The following SERPINA4 variants were observed in gnomAD, a reference collection of about 807,000 sequenced individuals.
SERPINA4 encodes the protein serpin family A member 4.
Under a neutral mutation model 25.4 loss-of-function variants are expected in SERPINA4, and 24 were observed. The observed-to-expected ratio is 0.95, with a 90% CI of 0.69 to 1.33. The LOEUF (loss-of-function observed/expected upper bound fraction) is 1.33. Among genes scored for constraint, SERPINA4 ranks in the 40% most tolerant of loss-of-function variants. The probability of loss-of-function intolerance (pLI) is 0.00; values close to 1 mark genes in which losing one functional copy is unlikely to be tolerated. For synonymous variants in SERPINA4, 242 were observed against 223.6 expected (o/e 1.08, Z -0.73); for missense variants, 553 against 535.8 (o/e 1.03, Z -0.32).
intron 2 of SERPINA4, among the ~76,000 whole-genome samples, chr14:94,566,682 A>T (rs979905574): frequency 6.6e-6 from 1 of 152,126 alleles, no homozygotes; most frequent in Non-Finnish European, 1.5e-5. Flanking sequence ...CTAACAATGA[A>T]ACTCTCTTTC....
In SERPINA4 at chr14:94,567,172, C is replaced by CA. The variant is rs1902245403; in HGVS notation, c.856dup (p.Met286AsnfsTer5). 6.2e-7 allele frequency: 1 copy of CA among 1,613,994 alleles called. No individual in the cohort carries two copies. The highest frequency in any genetic ancestry group is 8.5e-7 in the Non-Finnish European group (1 of 1,180,028). ...TGTTTTTCATTCTCCCTAACCAAGG[C>CA]AAAATGAGGGAGATTGAAGAGGTTC... is the stretch of plus-strand genomic sequence containing the variant. On this transcript the variant is annotated frameshift_variant, in exon 3 of 5. Transcript: ENST00000557004. LOFTEE classifies it high-confidence loss of function.
chr14:94,566,447 A>G (rs1357277583), intron 2 of SERPINA4, among the ~76,000 whole-genome samples: 2 of 152,160 alleles, frequency 1.3e-5, no homozygotes, highest in Admixed American at 1.3e-4. Context: ...CTCACTTTTC[A>G]TTGAGAAAAC....
At chr14:94,568,995 A>C (rs894729387) in intron 4 of SERPINA4, among the ~76,000 whole-genome samples, 1 of 152,188 alleles carries the variant, frequency 6.6e-6, no homozygotes, top group Non-Finnish European at 1.5e-5. Flanking sequence ...TGATAAGAAA[A>C]GTGCACGAGG....
chr14:94,566,859 G>A, intron 2 of SERPINA4, 111 bp from the exon 3 acceptor site: 1 of 1,293,078 alleles, frequency 7.7e-7, no homozygotes. Context: ...CATAGGGCAG[G>A]ATCTGGAGCG....
In SERPINA4 at chr14:94,564,004, C is replaced by T; in HGVS notation, c.522C>T (p.Asp174=). Residue 174 remains aspartate (D), a synonymous_variant, in exon 2 of 5, where the codon GAC becomes GAT. Coordinates refer to ENST00000557004, the MANE Select transcript of SERPINA4 (RefSeq NM_006215.4). ...EAKLFHTNFY[D]TVGTIQLIND... ...AACTCTTCCACACCAACTTCTACGA[C>T]ACTGTGGGCACAATCCAGCTTATCA... is the stretch of plus-strand genomic sequence containing the variant. 6.2e-7 allele frequency: 1 copy of T among 1,613,972 alleles called. No individual in the cohort carries two copies. Among genetic ancestry groups the T allele is most frequent in the East Asian group, 2.2e-5 (1 of 44,880 alleles).
In SERPINA4 at chr14:94,569,437, G is replaced by A. The variant is rs528098990; in HGVS notation, c.1126G>A (p.Glu376Lys). The A allele has an allele frequency of 2.0e-5, 32 of 1,614,116 alleles. No homozygotes were observed. In the African/African-American group the frequency reaches 2.1e-4, roughly 11 times the overall value. ...ATLDVDEAGT[E>K]AAAATSFAIK... ...CTTGGACGTGGATGAGGCTGGCACC[G>A]AGGCTGCAGCAGCCACCAGCTTCGC... The change falls in exon 5 of 5, where the codon GAG (glutamate) becomes AAG (lysine). Residue 376 changes from glutamate (E) to lysine (K), a missense_variant. Physicochemically the swap from Glu to Lys is moderately conservative, Grantham distance 56 (BLOSUM62 1). Transcript: ENST00000557004.
At chr14:94,567,359 C>T in intron 3 of SERPINA4, 116 bp downstream of exon 3, 1 of 1,165,196 alleles carries the variant, frequency 8.6e-7, no homozygotes, top group Non-Finnish European at 1.2e-6. Flanking sequence ...AGAATTCTCA[C>T]TTGCTCTGAG....
rs771729669 is a variant in SERPINA4, at chr14:94,563,869, C to T, written c.387C>T (p.Asn129=). Residue 129 remains asparagine (N), a synonymous_variant, in exon 2 of 5, where the codon AAC becomes AAT. Transcript: ENST00000557004. ...TCCAGCACCTCCTGCACACTCTCAA[C>T]CTCCCCGGCCATGGGCTGGAAACAC... ...RGFQHLLHTL[N]LPGHGLETRV... 2 of 1,614,072 alleles carry T rather than the reference C, an allele frequency of 1.2e-6. No homozygotes were observed. Among genetic ancestry groups the T allele is most frequent in the Non-Finnish European group, 1.7e-6 (2 of 1,180,052 alleles).
intron 1 of SERPINA4, chr14:94,561,912 G>C (rs1365256588): frequency 7.8e-7 from 1 of 1,275,072 alleles, no homozygotes; most frequent in African/African-American, 1.5e-5. Flanking sequence ...GGAGAACAGA[G>C]AGCAGAAAGA....
In SERPINA4 at chr14:94,567,148, G is replaced by A; in HGVS notation, c.828G>A (p.Val276=). ...LRMDYKGDAT[V]FFILPNQGKM... ...TGGATTACAAAGGAGACGCAACCGT[G>A]TTTTTCATTCTCCCTAACCAAGGCA... The change falls in exon 3 of 5, where the codon GTG becomes GTA. Residue 276 remains valine, a synonymous_variant. Transcript: ENST00000557004. The A allele has an allele frequency of 1.2e-6, 2 of 1,613,946 alleles. No homozygotes were observed. Among genetic ancestry groups the A allele is most frequent in the Non-Finnish European group, 1.7e-6 (2 of 1,179,878 alleles).
intron 2 of SERPINA4, among the ~76,000 whole-genome samples, chr14:94,564,336 A>G (rs1902134543): frequency 6.6e-6 from 1 of 152,214 alleles, no homozygotes; most frequent in Non-Finnish European, 1.5e-5. Flanking sequence ...TCCTATCTTT[A>G]GACATATTTT....
chr14:94,567,133 A>C lies in SERPINA4; in HGVS notation c.813A>C (p.Lys271Asn). ...GCTCGGTGCTACGGATGGATTACAA[A>C]GGAGACGCAACCGTGTTTTTCATTC... ...LPCSVLRMDYKGDATVFFILP... is the reference protein window; with the variant it reads ...LPCSVLRMDYNGDATVFFILP... Residue 271 changes from lysine to asparagine, a missense_variant, in exon 3 of 5, where the codon AAA (lysine) becomes AAC (asparagine). By Grantham distance (94) the Lys-to-Asn change is moderately conservative (BLOSUM62 0). Transcript: ENST00000557004. 1 of 1,614,218 alleles carries C rather than the reference A, an allele frequency of 6.2e-7. No homozygotes were observed.
chr14:94,567,290 A>T, intron 3 of SERPINA4, 47 bp downstream of exon 3: 1 of 1,546,268 alleles, frequency 6.5e-7, no homozygotes, highest in Non-Finnish European at 8.7e-7. Flanking sequence ...TATCCATCAA[A>T]TGTAACTTTC....
chr14:94,564,571 G>T (rs1902140730), intron 2 of SERPINA4, among the ~76,000 whole-genome samples: 1 of 152,178 alleles, frequency 6.6e-6, no homozygotes. Context: ...GCAAACTACA[G>T]CCCATGGGCC....
Position 94,568,139 on chromosome 14 carries a change from A to T in SERPINA4, c.934A>T (p.Lys312Ter), listed in dbSNP as rs777829784. 2.5e-6 allele frequency: 4 copies of T among 1,614,052 alleles called. No homozygotes were observed. Among genetic ancestry groups the T allele is most frequent in the Non-Finnish European group, 3.4e-6 (4 of 1,180,032 alleles). ...NNLLRKRNFY[K>*]KLELHLPKFS... ...CAATGCCCCTTTCAGGAATTTTTAC[A>T]AGAAGCTAGAGTTGCATCTTCCCAA... Residue 312 changes from lysine to a stop codon, truncating the protein, a stop_gained, in exon 4 of 5, where the codon AAG becomes TAG. Coordinates refer to ENST00000557004, the MANE Select transcript of SERPINA4 (RefSeq NM_006215.4). LOFTEE classifies it high-confidence loss of function.
At chr14:94,565,085 C>A (rs188348256) in intron 2 of SERPINA4, among the ~76,000 whole-genome samples, 5 of 152,144 alleles carry the variant, frequency 3.3e-5, no homozygotes, top group Admixed American at 6.5e-5. Context: ...AGGCCCCACA[C>A]AATTGCGACT....
chr14:94,568,118 G>A lies in SERPINA4; in HGVS notation c.924-11G>A. 1 of 1,614,030 alleles carries A rather than the reference G, an allele frequency of 6.2e-7. No homozygotes were observed. The highest frequency in any genetic ancestry group is 8.5e-7 in the Non-Finnish European group (1 of 1,179,932). On this transcript the variant is annotated splice_polypyrimidine_tract_variant and intron_variant, in intron 3 of 4. Coordinates refer to ENST00000557004, the MANE Select transcript of SERPINA4 (RefSeq NM_006215.4). ...CATTAATCTAATGTTCTAACTCAAT[G>A]CCCCTTTCAGGAATTTTTACAAGAA...
At chr14:94,567,607 TA>T (rs1902261432) in intron 3 of SERPINA4, among the ~76,000 whole-genome samples, 1 of 151,710 alleles carries the variant, frequency 6.6e-6, no homozygotes, top group East Asian at 1.9e-4. Flanking sequence ...TAGTGGGACT[TA>T]AAAAAACTCC....
At chr14:94,564,255 G>T in intron 2 of SERPINA4, 124 bp downstream of exon 2, 5 of 956,936 alleles carry the variant, frequency 5.2e-6, no homozygotes, top group Non-Finnish European at 8.0e-6. Context: ...ATAGGGTTGA[G>T]CAACCCTCAG....
Sources: allele counts gnomAD v4.1 joint callset (sites outside exome capture counted in the v4.1 genomes callset), GRCh38; gene constraint gnomAD v4.1.1; transcripts MANE v1.5; gene names NCBI Gene and HGNC (gene_info 2026-07-23, HGNC 2026-07-21).